The following EEA1 variants were observed in gnomAD, a reference collection of about 807,000 sequenced individuals.
EEA1 encodes early endosome antigen 1, 162kD.
In EEA1, 111 loss-of-function variants were observed where a neutral mutation model predicts 209.2. That is an observed-to-expected ratio of 0.53 (90% CI 0.45 to 0.62). EEA1 has a LOEUF of 0.62. Ranked by LOEUF, EEA1 falls within the 20% of genes least tolerant of loss-of-function variation. EEA1 has a pLI of 0.00. For missense variants in EEA1, 1,343 were observed against 1,530.8 expected (o/e 0.88, Z 2.05); for synonymous variants, 536 against 540.6 (o/e 0.99, Z 0.12).
At chr12:92,885,228 G>T (rs761963825) in intron 2 of EEA1, among the ~76,000 whole-genome samples, 22 of 151,964 alleles carry the variant, frequency 1.4e-4, no homozygotes, top group Non-Finnish European at 2.8e-4. Flanking sequence ...TTGTTCAAGG[G>T]TCAACTACAC....
chr12:92,917,893 G>C (rs1485001833), intron 1 of EEA1, among the ~76,000 whole-genome samples: 1 of 53,038 alleles, frequency 1.9e-5, no homozygotes, highest in Non-Finnish European at 3.8e-5. Flanking sequence ...TAAAAGGATG[G>C]AGGAAGATCT....
At chr12:92,818,691 GATA>G (rs1182356322) in intron 14 of EEA1, among the ~76,000 whole-genome samples, 4 of 152,026 alleles carry the variant, frequency 2.6e-5, no homozygotes, top group Non-Finnish European at 1.5e-5. Context: ...TTCTCATTTA[GATA>G]ATAACTCTCT....
At chr12:92,875,084 G>T (rs1388337247) in intron 2 of EEA1, among the ~76,000 whole-genome samples, 1 of 152,116 alleles carries the variant, frequency 6.6e-6, no homozygotes, top group African/African-American at 2.4e-5. Context: ...ATGGTGCTAA[G>T]AATACAATGA....
At chr12:92,799,933 A>C (rs183806887) in intron 20 of EEA1, among the ~76,000 whole-genome samples, 2,390 of 152,260 alleles carry the variant, frequency 0.016, 32 homozygotes, top group Non-Finnish European at 0.024. Context: ...GATGACATTA[A>C]ATTACACTGC....
chr12:92,845,151 A>C, intron 9 of EEA1, among the ~76,000 whole-genome samples: 1 of 152,154 alleles, frequency 6.6e-6, no homozygotes, highest in East Asian at 1.9e-4. Flanking sequence ...GGATATTGTG[A>C]AAACTAAAAT....
intron 10 of EEA1, among the ~76,000 whole-genome samples, chr12:92,836,914 A>G (rs1876952241): frequency 6.6e-6 from 1 of 152,030 alleles, no homozygotes; most frequent in Admixed American, 6.5e-5. Flanking sequence ...CAAGGTCAGG[A>G]GTTTGAGGCC....
intron 2 of EEA1, chr12:92,884,475 A>G: frequency 6.7e-7 from 1 of 1,483,436 alleles, no homozygotes; most frequent in Non-Finnish European, 9.3e-7. Context: ...GATGGCTATA[A>G]TGGATTTGGT....
At chr12:92,843,317 C>A (rs960619984) in intron 9 of EEA1, among the ~76,000 whole-genome samples, 1 of 152,072 alleles carries the variant, frequency 6.6e-6, no homozygotes, top group Non-Finnish European at 1.5e-5. Flanking sequence ...TGCCATCACG[C>A]CCAGCTAATT....
At chr12:92,925,202 T>C (rs1881166223) in intron 1 of EEA1, among the ~76,000 whole-genome samples, 1 of 146,506 alleles carries the variant, frequency 6.8e-6, no homozygotes, top group African/African-American at 2.6e-5. Flanking sequence ...AAAAAAACAC[T>C]AATCACAGTT....
At position 92,908,431 on chromosome 12, in the gene EEA1, G is replaced by A. The variant is rs563253904; in HGVS notation, c.25-16710C>T. Among the ~76,000 whole-genome samples the A allele has an allele frequency of 2.6e-5, 4 of 152,126 alleles. No individual in the cohort carries two copies. The East Asian group carries it at 5.8e-4, about 22-fold the overall frequency. ...CCACTGGATTATACACTTAAAAATG[G>A]TAAAAATTGTATCTTTTAAATTACG... On this transcript the variant is annotated intron_variant, in intron 1 of 28. Coordinates refer to ENST00000322349, the MANE Select transcript of EEA1 (RefSeq NM_003566.4).
Position 92,832,545 on chromosome 12 carries a change from C to T in EEA1, c.1221G>A (p.Gln407=). The T allele has an allele frequency of 6.2e-7, 1 of 1,613,396 alleles. No individual in the cohort carries two copies. ...TTTCACTTTGGAGTTGTAACCCATG[C>T]TGCTCCTTTTCTTCTCTCTGTTGTT... The part of the protein sequence containing the change: ...QLQQQREEKE[Q]HGLQLQSEIN... Residue 407 remains glutamine (Q), a synonymous_variant, in exon 11 of 29, where the codon CAG becomes CAA. Transcript: ENST00000322349.
At chr12:92,844,800 C>T (rs566892622) in intron 9 of EEA1, among the ~76,000 whole-genome samples, 5 of 152,066 alleles carry the variant, frequency 3.3e-5, no homozygotes, top group African/African-American at 7.2e-5. Flanking sequence ...TGGCACATAA[C>T]GCACAGAAAT....
chr12:92,837,529 C>G (rs1325641197), intron 10 of EEA1, among the ~76,000 whole-genome samples: 1 of 152,182 alleles, frequency 6.6e-6, no homozygotes, highest in Non-Finnish European at 1.5e-5. Flanking sequence ...AAATCTCTGT[C>G]TCTTCCAATG....
Position 92,886,957 on chromosome 12 carries a change from C to T in EEA1, c.117+4672G>A, listed in dbSNP as rs1187316252. On this transcript the variant is annotated intron_variant, in intron 2 of 28. Coordinates refer to ENST00000322349, the MANE Select transcript of EEA1 (RefSeq NM_003566.4). ...AGTTTGCAGTGAGCCGAGATCCGCA[C>T]CACTGCACTCCAGCCTGGGCAACAG... 3.3e-5 allele frequency among the ~76,000 whole-genome samples: 5 copies of T among 151,830 alleles called. No homozygotes were observed. In the East Asian group the frequency reaches 9.7e-4, roughly 30 times the overall value.
At chr12:92,804,074 A>G (rs1875066239) in intron 18 of EEA1, among the ~76,000 whole-genome samples, 1 of 152,212 alleles carries the variant, frequency 6.6e-6, no homozygotes. Flanking sequence ...CTGATAGAAC[A>G]ACCAGAGGAA....
chr12:92,818,231 A>C (rs1038526285), intron 14 of EEA1, among the ~76,000 whole-genome samples: 1 of 152,140 alleles, frequency 6.6e-6, no homozygotes, highest in Non-Finnish European at 1.5e-5. Context: ...CCTCGGTTCA[A>C]TAAGACCACC....
At chr12:92,889,152 A>C (rs373543159) in intron 2 of EEA1, among the ~76,000 whole-genome samples, 2 of 151,062 alleles carry the variant, frequency 1.3e-5, no homozygotes, top group Non-Finnish European at 2.9e-5. Context: ...TGTCTCAAAA[A>C]CATTAAAAAA....
rs201202174 is a variant in EEA1, at chr12:92,925,995, A to AT, written c.24+3047dup. On this transcript the variant is annotated intron_variant, in intron 1 of 28. Coordinates refer to ENST00000322349, the MANE Select transcript of EEA1 (RefSeq NM_003566.4). ...CAAAATGCTAAAGGAATGCCACATA[A>AT]TTTTTTTTTTTTTTTTAGACGGAGT... is the stretch of plus-strand genomic sequence containing the variant. Among the ~76,000 whole-genome samples, 336 of 144,722 alleles carry AT rather than the reference A, an allele frequency of 2.3e-3. 1 individual carries two copies. The highest frequency in any genetic ancestry group is 5.1e-3 in the African/African-American group (204 of 39,662). 94.9% of individuals were successfully genotyped at this position (144,722 alleles called of 152,430 possible).
intron 2 of EEA1, among the ~76,000 whole-genome samples, chr12:92,885,927 A>C (rs1374460310): frequency 1.3e-5 from 2 of 152,176 alleles, no homozygotes; most frequent in Non-Finnish European, 2.9e-5. Context: ...AAGAGTTTCC[A>C]CTAGAAAAGT....
Sources: allele counts gnomAD v4.1 joint callset (sites outside exome capture counted in the v4.1 genomes callset), GRCh38; gene constraint gnomAD v4.1.1; transcripts MANE v1.5; gene names NCBI Gene and HGNC (gene_info 2026-07-23, HGNC 2026-07-21).